HK3: variants seen among roughly 807,000 people sequenced by gnomAD.
HK3 encodes hexokinase 3.
HK3 carries 93 observed loss-of-function variants against 91.0 expected under a neutral mutation model. That is an observed-to-expected ratio of 1.02 (90% CI 0.86 to 1.21). The LOEUF (loss-of-function observed/expected upper bound fraction) is 1.21, where lower values mean the gene tolerates loss of function less well. Among genes scored for constraint, HK3 ranks in the 50% most tolerant of loss-of-function variants. The pLI, the probability that HK3 is intolerant of heterozygous loss-of-function variation, is 0.00. For synonymous variants in HK3, 519 were observed against 516.9 expected, an observed-to-expected ratio of 1.00 and a Z score of -0.06; for missense variants, 1,235 against 1,247.4, an observed-to-expected ratio of 0.99 and a Z score of 0.15.
Position 176,896,670 on chromosome 5 carries a change from G to C in HK3, c.-26-485C>G, listed in dbSNP as rs575239136. Among the ~76,000 whole-genome samples the C allele has an allele frequency of 1.2e-4, 18 of 152,312 alleles. 1 individual carries two copies. The East Asian group carries it at 1.4e-3, about 11-fold the overall frequency. ...GAACCAAAGACCTGCCAGAGAAGCA[G>C]GCAGGCTGGAAAAGGGACAGCCATT... On this transcript the variant is annotated intron_variant, in intron 1 of 18. Transcript: ENST00000292432.
At chr5:176,892,199 C>T (rs1758795402) in intron 2 of HK3, among the ~76,000 whole-genome samples, 1 of 152,154 alleles carries the variant, frequency 6.6e-6, no homozygotes, top group South Asian at 2.1e-4. Flanking sequence ...AGCACGTGAA[C>T]ATACAATTTG....
rs766087254 is a variant in HK3 at position 176,881,766 on chromosome 5, G to A, written c.2319C>T (p.Leu773=). 2.6e-5 allele frequency: 42 copies of A among 1,614,062 alleles called. No homozygotes were observed. The highest frequency in any genetic ancestry group is 3.3e-5 in the Non-Finnish European group (39 of 1,180,048). Residue 773 remains leucine, a synonymous_variant, in exon 17 of 19, where the codon CTC becomes CTT. Coordinates refer to ENST00000292432, the MANE Select transcript of HK3 (RefSeq NM_002115.3). ...ILLHLTSLGV[L]FRGQQIQRLQ... ...GGCGCTGGATCTGCTGGCCCCGGAA[G>A]AGAACGCCAAGGCTGGTTAAATGTA...
At chr5:176,882,774 G>C (rs1013596159) in intron 15 of HK3, among the ~76,000 whole-genome samples, 13 of 152,336 alleles carry the variant, frequency 8.5e-5, no homozygotes, top group Admixed American at 5.9e-4. Flanking sequence ...CCCTGGATGA[G>C]GGCGTCTCCT....
chr5:176,888,739 A>T lies in HK3; in HGVS notation c.1040T>A (p.Ile347Asn), dbSNP rs200824570. Reference protein sequence around the residue: ...TSPALLSQGSILLEHVAEMED... With the variant: ...TSPALLSQGSNLLEHVAEMED... ...CATCTCAGCCACGTGTTCCAGGAGG[A>T]TGCTGCCTTGGCTCAGCAGGGCAGG... Residue 347 changes from isoleucine (I) to asparagine (N), a missense_variant, in exon 9 of 19, where the codon ATC becomes AAC. Physicochemically the swap from Ile to Asn is moderately radical, Grantham distance 149. This residue lies in a region of HK3 where 717 missense variants were observed against 751.6 expected (regional missense o/e 0.95). Transcript: ENST00000292432. 25 of 1,614,196 alleles carry T rather than the reference A, an allele frequency of 1.5e-5. No individual in the cohort carries two copies. The highest frequency in any genetic ancestry group is 3.3e-5 in the Admixed American group (2 of 60,026).
intron 1 of HK3, among the ~76,000 whole-genome samples, chr5:176,897,112 G>A (rs548951154): frequency 3.9e-4 from 59 of 152,234 alleles, no homozygotes; most frequent in African/African-American, 1.3e-3. Flanking sequence ...ATGAGATCAC[G>A]AGAGCAAAGG....
intron 14 of HK3, 81 bp downstream of exon 14, chr5:176,883,958 T>TC (rs1400633481): frequency 3.2e-6 from 5 of 1,569,830 alleles, no homozygotes; most frequent in South Asian, 1.1e-5. Context: ...CGCAGAGGGC[T>TC]CCCCCCTCAG....
rs200750938 is a variant in HK3, at chr5:176,881,403, C to T, written c.2526G>A (p.Ala842=). Residue 842 remains alanine (A), a synonymous_variant, in exon 18 of 19, where the codon GCG becomes GCA. Coordinates refer to ENST00000292432, the MANE Select transcript of HK3 (RefSeq NM_002115.3). ...TCTTCTCCACCACGGCAGCTACACC[C>T]GCCCCACAGAGCTGGGCAGCCCTCT... ...VSQRAAQLCG[A]GVAAVVEKIR... 54 of 1,613,422 alleles carry T rather than the reference C, an allele frequency of 3.3e-5. No individual in the cohort carries two copies. The highest frequency in any genetic ancestry group is 2.0e-4 in the South Asian group (18 of 91,088).
intron 8 of HK3, 36 bp downstream of exon 8, chr5:176,889,345 C>T: frequency 6.2e-7 from 1 of 1,601,762 alleles, no homozygotes; most frequent in Non-Finnish European, 8.5e-7. Context: ...ATAGACAGGG[C>T]CTGGAACCAA....
Position 176,887,588 on chromosome 5 carries a change from G to A in HK3, c.1463C>T (p.Ala488Val), listed in dbSNP as rs1345381815. The change falls in exon 11 of 19, where the codon GCC becomes GTC. Residue 488 changes from alanine (A) to valine (V), a missense_variant. By Grantham distance (64) the Ala-to-Val change is moderately conservative. Transcript: ENST00000292432. This position sits in a 1 kb window ranked among gnomAD's most constrained non-coding sequence, Gnocchi z 4.9. ...TTGATCATGGTTCAACCGGAATGGG[G>A]CCAGGGTCTCCTCCAGCAGGCGCCG... ...AHRRLLEETL[A>V]PFRLNHDQLA... 6.2e-7 allele frequency: 1 copy of A among 1,613,876 alleles called. No homozygotes were observed. Among genetic ancestry groups the A allele is most frequent in the Non-Finnish European group, 8.5e-7 (1 of 1,180,008 alleles).
At chr5:176,898,735 T>G (rs1362695122) in intron 1 of HK3, among the ~76,000 whole-genome samples, 2 of 152,220 alleles carry the variant, frequency 1.3e-5, no homozygotes, top group African/African-American at 4.8e-5. Flanking sequence ...TCTGTTTGCC[T>G]AAGGGCCCCG....
chr5:176,892,987 T>C (rs1383909221), intron 2 of HK3, among the ~76,000 whole-genome samples: 1 of 152,182 alleles, frequency 6.6e-6, no homozygotes, highest in African/African-American at 2.4e-5. Context: ...ACCAGGCCTA[T>C]CTGGTGACAA....
chr5:176,896,259 T>C (rs1758909208), intron 1 of HK3, 74 bp from the exon 2 acceptor site: 1 of 683,608 alleles, frequency 1.5e-6, no homozygotes, highest in Non-Finnish European at 2.4e-6. Context: ...CCAGACCAAC[T>C]TCCTTCCTTC....
At chr5:176,882,205 G>A (rs1310185961) in intron 15 of HK3, 78 bp from the exon 16 acceptor site, 2 of 1,483,198 alleles carry the variant, frequency 1.3e-6, no homozygotes, top group Admixed American at 1.7e-5. Flanking sequence ...ATACCGAGAT[G>A]GCAACGATTC....
At position 176,887,773 on chromosome 5, in the gene HK3, C is replaced by A. The variant is rs763352296; in HGVS notation, c.1305-27G>T. ...TACAGATACATACAGGTGCACCCGG[C>A]TTGGCCCTGGACCCCCAGACACACA... is the stretch of plus-strand genomic sequence containing the variant. On this transcript the variant is annotated intron_variant, in intron 10 of 18. Transcript: ENST00000292432. This position sits in a 1 kb window ranked among gnomAD's most constrained non-coding sequence, Gnocchi z 4.9. 1 of 1,576,954 alleles carries A rather than the reference C, an allele frequency of 6.3e-7. No homozygotes were observed. Among genetic ancestry groups the A allele is most frequent in the Non-Finnish European group, 8.6e-7 (1 of 1,157,486 alleles).
chr5:176,893,287 A>G (rs1758823802), intron 2 of HK3, among the ~76,000 whole-genome samples: 2 of 152,204 alleles, frequency 1.3e-5, no homozygotes, highest in South Asian at 4.1e-4. Flanking sequence ...TAAAACCTAG[A>G]AAGTTCCCTT....
rs1486324622 is a variant in HK3 at position 176,881,461 on chromosome 5, AG to A, written c.2467del (p.Leu823Ter). The A allele has an allele frequency of 6.2e-7, 1 of 1,609,436 alleles. No homozygotes were observed. Among genetic ancestry groups the A allele is most frequent in the Non-Finnish European group, 8.5e-7 (1 of 1,180,004 alleles). ...AGCCTGGCACACCTCTAGCACCATC[AG>A]GGCGTCATCTGAGGTCAGGGGTAGC... ...LGLPLTSDDA[L>X]MVLEVCQAVS... On this transcript the variant is annotated frameshift_variant, in exon 18 of 19. Transcript: ENST00000292432. LOFTEE classifies it high-confidence loss of function.
rs199711186 is a variant in HK3 at position 176,887,231 on chromosome 5, G to A, written c.1707C>T (p.Pro569=). The change falls in exon 12 of 19, where the codon CCC becomes CCT. Residue 569 remains proline (P), a synonymous_variant. Transcript: ENST00000292432. This position sits in a 1 kb window ranked among gnomAD's most constrained non-coding sequence, Gnocchi z 4.9. ...GCCCAGAACCCTGGGCCACAGTCTC[G>A]GGAATGGAGTAGATCTCGCTGGTGA... ...VQITSEIYSI[P]ETVAQGSGQQ... The A allele has an allele frequency of 1.4e-5, 23 of 1,614,000 alleles. No homozygotes were observed. The highest frequency in any genetic ancestry group is 1.2e-4 in the African/African-American group (9 of 74,916).
chr5:176,889,449 C>A lies in HK3; in HGVS notation c.846G>T (p.Ala282=). 1 of 1,614,184 alleles carries A rather than the reference C, an allele frequency of 6.2e-7. No individual in the cohort carries two copies. Among genetic ancestry groups the A allele is most frequent in the East Asian group, 2.2e-5 (1 of 44,882 alleles). Residue 282 remains alanine (A), a synonymous_variant, in exon 8 of 19, where the codon GCG becomes GCT. Transcript: ENST00000292432. ...VEWGSFSDDG[A]LGPVLTTFDH... Reference sequence around the variant, plus strand: ...CGAAGGTGGTCAGCACTGGTCCCAGCGCCCCATCATCGCTGAAGGAGCCCC... The same window carrying A: ...CGAAGGTGGTCAGCACTGGTCCCAGAGCCCCATCATCGCTGAAGGAGCCCC...
At chr5:176,892,116 C>T (rs970760542) in intron 2 of HK3, among the ~76,000 whole-genome samples, 2 of 152,198 alleles carry the variant, frequency 1.3e-5, no homozygotes, top group Non-Finnish European at 2.9e-5. Context: ...CAGCTGTATT[C>T]TAAGCACCGC....
Sources: allele counts gnomAD v4.1 joint callset (sites outside exome capture counted in the v4.1 genomes callset), GRCh38; gene constraint gnomAD v4.1.1; regional missense constraint gnomAD v4.1.1; non-coding constraint Gnocchi (gnomAD v3.1); transcripts MANE v1.5; gene names NCBI Gene and HGNC (gene_info 2026-07-23, HGNC 2026-07-21).